The following TAFA2 variants were observed in gnomAD, a reference collection of about 807,000 sequenced individuals.
TAFA2 encodes chemokine-like protein TAFA-2.
A neutral mutation model predicts 18.8 loss-of-function variants in TAFA2; 7 were observed. The ratio of observed to expected loss-of-function variants is 0.37; its 90% confidence interval spans 0.21 to 0.70. TAFA2 has a LOEUF of 0.70. TAFA2 is among the 30% of genes least tolerant of loss of function. The probability of loss-of-function intolerance (pLI) is 0.53; values close to 1 mark genes in which losing one functional copy is unlikely to be tolerated. For missense variants in TAFA2, 122 were observed against 158.1 expected, an observed-to-expected ratio of 0.77 and a Z score of 1.23; for synonymous variants, 60 against 54.2, an observed-to-expected ratio of 1.11 and a Z score of -0.47.
At position 61,908,970 on chromosome 12, in the gene TAFA2, G is replaced by A. The variant is rs189924583; in HGVS notation, c.-1-41544C>T. Among the ~76,000 whole-genome samples the A allele has an allele frequency of 5.8e-4, 88 of 152,270 alleles. No individual in the cohort carries two copies. In the South Asian group the frequency reaches 6.0e-3, roughly 10 times the overall value. On this transcript the variant is annotated intron_variant, in intron 1 of 4. Transcript: ENST00000416284. The stretch of plus-strand genomic sequence containing the variant: ...AAAGTGTAATTTTTCATCCTAGAGT[G>A]ATCCAGTAGTGCAATTTCAGGAAGC...
rs377734382 is a variant in TAFA2 at position 62,215,778 on chromosome 12, G to T, written c.-130+42985C>A. On this transcript the variant is annotated intron_variant, in intron 1 of 5. Transcript: ENST00000551619. ...AAAAAAAAAAAGAGATATGACACTT[G>T]CAAGTTACATTTTGTGTGACCTAAA... 2.0e-3 allele frequency among the ~76,000 whole-genome samples: 263 copies of T among 129,850 alleles called. 1 individual carries two copies. The highest frequency in any genetic ancestry group is 7.4e-3 in the African/African-American group (259 of 34,832). The allele number at this position is 129,850 out of a possible 152,430, so 85.2% of individuals were successfully genotyped here. A position where few individuals can be genotyped will look rare whatever the true frequency, so the allele number is the denominator to read the frequency against.
chr12:62,087,525 T>A (rs1868505572), intron 1 of TAFA2, among the ~76,000 whole-genome samples: 1 of 151,992 alleles, frequency 6.6e-6, no homozygotes, highest in Non-Finnish European at 1.5e-5. Context: ...GCAGAGAGTA[T>A]AGCAAATGCA....
At chr12:61,879,890 G>T (rs986033432) in intron 1 of TAFA2, 11 of 912,680 alleles carry the variant, frequency 1.2e-5, no homozygotes, top group Non-Finnish European at 2.0e-5. Context: ...TACAGAGATG[G>T]AGAATGAATT....
At chr12:61,943,764 T>C (rs576740205) in intron 1 of TAFA2, among the ~76,000 whole-genome samples, 1,636 of 144,218 alleles carry the variant, frequency 0.011, 117 homozygotes, top group Admixed American at 0.095. Context: ...CTATCCTAAA[T>C]ATATATGCAC....
chr12:61,828,016 T>C (rs959035213), intron 2 of TAFA2, among the ~76,000 whole-genome samples: 1 of 151,954 alleles, frequency 6.6e-6, no homozygotes, highest in Non-Finnish European at 1.5e-5. Context: ...CTATTAAATG[T>C]GAGAATGTTT....
At chr12:61,811,104 G>A (rs17120299) in intron 2 of TAFA2, among the ~76,000 whole-genome samples, 2,815 of 151,038 alleles carry the variant, frequency 0.019, 210 homozygotes, top group African/African-American at 0.064. Flanking sequence ...AAAAATAAGC[G>A]TTCCTTAAAA....
At chr12:61,830,206 T>A (rs1277644167) in intron 2 of TAFA2, among the ~76,000 whole-genome samples, 1 of 150,062 alleles carries the variant, frequency 6.7e-6, no homozygotes, top group African/African-American at 2.4e-5. Flanking sequence ...ATATGGTATG[T>A]ATATGTATAT....
chr12:61,913,896 G>A (rs1876710809), intron 1 of TAFA2, among the ~76,000 whole-genome samples: 1 of 152,062 alleles, frequency 6.6e-6, no homozygotes, highest in Admixed American at 6.6e-5. Flanking sequence ...TGAGTTTCAA[G>A]GGTTACAGTT....
chr12:62,224,613 G>A (rs1422669266), intron 1 of TAFA2, among the ~76,000 whole-genome samples: 1 of 152,004 alleles, frequency 6.6e-6, no homozygotes, highest in Non-Finnish European at 1.5e-5. Flanking sequence ...TATGAATTTT[G>A]GGGTGACACA....
chr12:61,983,562 C>A (rs999589598), intron 1 of TAFA2, among the ~76,000 whole-genome samples: 1 of 152,082 alleles, frequency 6.6e-6, no homozygotes, highest in Non-Finnish European at 1.5e-5. Context: ...CACGTGCCAC[C>A]ACGCCCAGAT....
In TAFA2 at chr12:61,925,616, G is replaced by A. The variant is rs915119052; in HGVS notation, c.-1-58190C>T. 3.2e-4 allele frequency among the ~76,000 whole-genome samples: 49 copies of A among 152,286 alleles called. 2 individuals carry two copies. Among genetic ancestry groups the A allele is most frequent in the Admixed American group, 2.4e-3 (37 of 15,280 alleles). On this transcript the variant is annotated intron_variant, in intron 1 of 4. Transcript: ENST00000416284. ...TGTACCAGATAAAGCAGTGTTTAGA[G>A]GGAAATTTATAGCACTAAGTGCCCA...
At chr12:62,234,504 G>A in intron 1 of TAFA2, 1 of 1,074,822 alleles carries the variant, frequency 9.3e-7, no homozygotes, top group Non-Finnish European at 1.4e-6. Flanking sequence ...ACTCTTGGCT[G>A]CACTGATCAC....
intron 1 of TAFA2, among the ~76,000 whole-genome samples, chr12:61,999,868 C>T (rs1233006024): frequency 6.6e-6 from 1 of 152,094 alleles, no homozygotes; most frequent in Non-Finnish European, 1.5e-5. Context: ...ATGGATAAAG[C>T]CTGTTCCAAA....
intron 1 of TAFA2, among the ~76,000 whole-genome samples, chr12:62,128,478 A>G (rs1276554149): frequency 4.6e-5 from 7 of 152,058 alleles, no homozygotes; most frequent in African/African-American, 1.7e-4. Flanking sequence ...AAGGGCTAAA[A>G]ACAAATCCAG....
At chr12:61,917,304 T>C (rs1876866355) in intron 1 of TAFA2, among the ~76,000 whole-genome samples, 1 of 152,202 alleles carries the variant, frequency 6.6e-6, no homozygotes, top group African/African-American at 2.4e-5. Flanking sequence ...GAAAGACATA[T>C]ATAAAATAAT....
intron 2 of TAFA2, among the ~76,000 whole-genome samples, chr12:61,833,736 A>G (rs547698162): frequency 6.6e-6 from 1 of 151,728 alleles, no homozygotes; most frequent in African/African-American, 2.4e-5. Flanking sequence ...TGTCTATAAG[A>G]ACTCTCTTGC....
intron 1 of TAFA2, among the ~76,000 whole-genome samples, chr12:61,989,585 G>T (rs1362273274): frequency 2.0e-5 from 3 of 152,086 alleles, no homozygotes. Context: ...TCTTTACAGG[G>T]GAGAAGCCAG....
intron 1 of TAFA2, among the ~76,000 whole-genome samples, chr12:62,050,157 AC>A (rs1882012996): frequency 6.6e-6 from 1 of 152,160 alleles, no homozygotes; most frequent in Admixed American, 6.5e-5. Context: ...TTCTATTGTT[AC>A]TACTACTGAT....
chr12:62,065,727 T>C (rs78162671), intron 1 of TAFA2, among the ~76,000 whole-genome samples: 3,631 of 151,908 alleles, frequency 0.024, 149 homozygotes, highest in African/African-American at 0.082. Context: ...GTTGTGTGTG[T>C]GTGTTTACTG....
Sources: gnomAD v4.1 joint callset for allele counts (sites outside exome capture counted in the v4.1 genomes callset) on GRCh38, gnomAD v4.1.1 for gene constraint, MANE v1.5 for transcripts, NCBI Gene and HGNC (gene_info 2026-07-23, HGNC 2026-07-21) for gene names.